ASF1A: variants seen among roughly 807,000 people sequenced by gnomAD.
ASF1A encodes anti-silencing function 1A histone chaperone.
A neutral mutation model predicts 22.0 loss-of-function variants in ASF1A; 5 were observed. That is an observed-to-expected ratio of 0.23 (90% CI 0.12 to 0.48). The LOEUF is 0.48. Among genes scored for constraint, ASF1A ranks in the 20% least tolerant of loss-of-function variants. ASF1A has a pLI of 0.99. For missense variants in ASF1A, 137 were observed against 240.6 expected (o/e 0.57, Z 2.85); for synonymous variants, 97 against 86.7 (o/e 1.12, Z -0.66).
At chr6:118,900,050 C>G (rs1246695033) in intron 1 of ASF1A, among the ~76,000 whole-genome samples, 1 of 152,148 alleles carries the variant, frequency 6.6e-6, no homozygotes, top group Non-Finnish European at 1.5e-5. Context: ...CATATAACGC[C>G]TTGAATTGCA....
intron 1 of ASF1A, among the ~76,000 whole-genome samples, chr6:118,899,232 G>A (rs1233326102): frequency 6.6e-6 from 1 of 152,152 alleles, no homozygotes; most frequent in African/African-American, 2.4e-5. Flanking sequence ...AATGAAAGTT[G>A]GCTCCTGTTA....
In ASF1A at chr6:118,894,413, T is replaced by C. The variant is rs1779200331; in HGVS notation, c.-1T>C. 3.9e-6 allele frequency: 6 copies of C among 1,536,786 alleles called. No individual in the cohort carries two copies. The highest frequency in any genetic ancestry group is 5.2e-6 in the Non-Finnish European group (6 of 1,146,752). On this transcript the variant is annotated 5_prime_UTR_variant, in exon 1 of 4. Transcript: ENST00000229595. ...CCCATTGTTTGTGTTTTTTTCAAAA[T>C]ATGGCAAAGGTTCAGGTGAACAATG...
chr6:118,906,213 C>CA (rs1780168102), intron 3 of ASF1A, among the ~76,000 whole-genome samples: 1 of 152,134 alleles, frequency 6.6e-6, no homozygotes, highest in South Asian at 2.1e-4. Flanking sequence ...GCTGGGACTA[C>CA]AGGTGTATAC....
chr6:118,900,650 A>C (rs185586987), intron 1 of ASF1A, 116 bp from the exon 2 acceptor site: 10 of 733,214 alleles, frequency 1.4e-5, no homozygotes, highest in East Asian at 7.4e-5. Context: ...CTGGATTGCT[A>C]TGAGAAGCCA....
At chr6:118,894,582 C>A (rs1779213700) in intron 1 of ASF1A, 60 bp downstream of exon 1, 2 of 1,398,302 alleles carry the variant, frequency 1.4e-6, no homozygotes, top group Non-Finnish European at 2.0e-6. Flanking sequence ...TTGAAAGTTT[C>A]CCGGGCCGGG....
chr6:118,896,735 G>T (rs1465448693), intron 1 of ASF1A, among the ~76,000 whole-genome samples: 1 of 152,194 alleles, frequency 6.6e-6, no homozygotes, highest in African/African-American at 2.4e-5. Context: ...TAGAGGCTAT[G>T]TGGATTAAGG....
intron 2 of ASF1A, among the ~76,000 whole-genome samples, chr6:118,904,952 C>T (rs1780073058): frequency 6.6e-6 from 1 of 152,212 alleles, no homozygotes; most frequent in Admixed American, 6.5e-5. Flanking sequence ...ATTCTCCTGC[C>T]TCAGCCTCCC....
chr6:118,902,842 A>C (rs568104822), intron 2 of ASF1A, among the ~76,000 whole-genome samples: 39 of 152,286 alleles, frequency 2.6e-4, no homozygotes, highest in African/African-American at 8.9e-4. Context: ...GTATTTTAAA[A>C]CTACTATAGT....
chr6:118,900,750 G>C lies in ASF1A; in HGVS notation c.110-16G>C. The C allele has an allele frequency of 6.6e-7, 1 of 1,522,316 alleles. No individual in the cohort carries two copies. 94.3% of individuals were successfully genotyped at this position (1,522,316 alleles called of 1,614,324 possible). A position where few individuals can be genotyped will look rare whatever the true frequency, so the allele number is the denominator to read the frequency against. Reference sequence around the variant, plus strand: ...ATTACTGAATATGAAATAATGCTTTGGTTTTTTAACCCTAGACTTGGAATG... The same window carrying C: ...ATTACTGAATATGAAATAATGCTTTCGTTTTTTAACCCTAGACTTGGAATG... On this transcript the variant is annotated splice_polypyrimidine_tract_variant and intron_variant, in intron 1 of 3. Transcript: ENST00000229595.
intron 2 of ASF1A, among the ~76,000 whole-genome samples, chr6:118,903,755 T>G (rs1015892132): frequency 1.1e-4 from 17 of 152,164 alleles, no homozygotes; most frequent in African/African-American, 4.1e-4. Flanking sequence ...ATTTCTTTTT[T>G]AAATTTGTTT....
rs1780334309 is a variant in ASF1A at position 118,908,702 on chromosome 6, TG to T, written c.*1092del. Reference sequence around the variant, plus strand: ...CTTGGAAAGGAATTCATTAACTAAATGGGGTAAAAGGTTTCTTTTTCTTTGA... The same window carrying T: ...CTTGGAAAGGAATTCATTAACTAAATGGGTAAAAGGTTTCTTTTTCTTTGA... On this transcript the variant is annotated 3_prime_UTR_variant, in exon 4 of 4. Transcript: ENST00000229595. 6.6e-6 allele frequency: 1 copy of T among 152,498 alleles called. No individual in the cohort carries two copies. Among genetic ancestry groups the T allele is most frequent in the South Asian group, 2.1e-4 (1 of 4,828 alleles). 9.4% of individuals were successfully genotyped at this position (152,498 alleles called of 1,614,324 possible). A position where few individuals can be genotyped will look rare whatever the true frequency, so the allele number is the denominator to read the frequency against.
intron 2 of ASF1A, among the ~76,000 whole-genome samples, chr6:118,904,736 G>C (rs1345519914): frequency 6.6e-6 from 1 of 152,254 alleles, no homozygotes; most frequent in African/African-American, 2.4e-5. Flanking sequence ...GTGGTTTAAA[G>C]AGCATACTAT....
rs1198602169 is a variant in ASF1A at position 118,906,378 on chromosome 6, ACTT to A, written c.402+554_402+556del. 2.0e-5 allele frequency among the ~76,000 whole-genome samples: 3 copies of A among 152,142 alleles called. No individual in the cohort carries two copies. In the East Asian group the frequency reaches 5.8e-4, roughly 29 times the overall value. On this transcript the variant is annotated intron_variant, in intron 3 of 3. Transcript: ENST00000229595. ...GTGAGCCACCACGCCCAGAGAAAGT[ACTT>A]CTTGTAAGACAGGCCTTTGTTTATG...
chr6:118,896,207 A>G (rs1047330428), intron 1 of ASF1A, among the ~76,000 whole-genome samples: 10 of 152,106 alleles, frequency 6.6e-5, no homozygotes, highest in African/African-American at 9.7e-5. Context: ...CTCCTATGAT[A>G]CTACTATTAA....
At chr6:118,899,004 ACT>A (rs1779622519) in intron 1 of ASF1A, among the ~76,000 whole-genome samples, 1 of 151,738 alleles carries the variant, frequency 6.6e-6, no homozygotes, top group Non-Finnish European at 1.5e-5. Context: ...TCTAAAATGA[ACT>A]CCTGATTGCT....
Position 118,900,849 on chromosome 6 carries a change from G to A in ASF1A, c.193G>A (p.Val65Ile). 6.2e-7 allele frequency: 1 copy of A among 1,613,536 alleles called. No homozygotes were observed. The highest frequency in any genetic ancestry group is 8.5e-7 in the Non-Finnish European group (1 of 1,179,488). ...QVLDSVLVGP[V>I]PAGRHMFVFQ... ...TTTAGACTCTGTTTTAGTGGGTCCT[G>A]TTCCCGCAGGAAGGCATATGTTTGT... The change falls in exon 2 of 4, where the codon GTT becomes ATT. Residue 65 changes from valine to isoleucine, a missense_variant. Around this residue, in one of 2 missense-constraint regions of ASF1A, gnomAD observed 96 missense variants for 196.7 expected, o/e 0.49. Transcript: ENST00000229595.
chr6:118,897,880 T>C (rs974822743), intron 1 of ASF1A, among the ~76,000 whole-genome samples: 2 of 151,292 alleles, frequency 1.3e-5, no homozygotes, highest in Non-Finnish European at 2.9e-5. Context: ...GTATTGAGCA[T>C]GTAAAACTCA....
intron 1 of ASF1A, among the ~76,000 whole-genome samples, chr6:118,895,133 C>T (rs1779288626): frequency 6.6e-6 from 1 of 152,094 alleles, no homozygotes; most frequent in African/African-American, 2.4e-5. Flanking sequence ...AGGCTGTCCT[C>T]GCGCTGATTT....
At chr6:118,896,092 T>G (rs902145718) in intron 1 of ASF1A, among the ~76,000 whole-genome samples, 2 of 151,256 alleles carry the variant, frequency 1.3e-5, no homozygotes, top group Non-Finnish European at 2.9e-5. Context: ...CATACATATA[T>G]AGGGCAAATT....
Sources: allele counts gnomAD v4.1 joint callset (sites outside exome capture counted in the v4.1 genomes callset), GRCh38; gene constraint gnomAD v4.1.1; regional missense constraint gnomAD v4.1.1; transcripts MANE v1.5; gene names NCBI Gene and HGNC (gene_info 2026-07-23, HGNC 2026-07-21).